The following DMD variants were observed in gnomAD, a reference collection of about 807,000 sequenced individuals.
DMD encodes the protein dystrophin.
DMD carries 63 observed loss-of-function variants against 330.1 expected under a neutral mutation model. That is an observed-to-expected ratio of 0.19 (90% confidence interval 0.16 to 0.24). The LOEUF (loss-of-function observed/expected upper bound fraction) is 0.24. DMD is among the 10% of genes least tolerant of loss of function. The pLI is 1.00. For synonymous variants in DMD, 1,223 were observed against 959.8 expected (o/e 1.27, Z -5.07); for missense variants, 3,344 against 2,684.1 (o/e 1.25, Z -5.43).
At chrX:32,263,251 T>A (rs5972513) in intron 43 of DMD, among the ~76,000 whole-genome samples, 14,677 of 111,659 alleles carry the variant, frequency 0.13, 1,426 homozygotes, top group African/African-American at 0.34. Flanking sequence ...AAATACAGGA[T>A]ACAAGTACTT....
At chrX:32,863,960 T>C (rs1043666845) in intron 2 of DMD, among the ~76,000 whole-genome samples, 1 of 112,082 alleles carries the variant, frequency 8.9e-6, no homozygotes, top group African/African-American at 3.2e-5. Context: ...ACAGAAAAGA[T>C]AAATGTCACA....
At chrX:32,316,813 C>G (rs1019732405) in intron 41 of DMD, among the ~76,000 whole-genome samples, 3 of 110,774 alleles carry the variant, frequency 2.7e-5, no homozygotes, top group Non-Finnish European at 5.7e-5. Context: ...AGTTTGCTAT[C>G]TATTCCTTAA....
chrX:31,430,823 A>C (rs1169257903), intron 60 of DMD, among the ~76,000 whole-genome samples: 1 of 36,978 alleles, frequency 2.7e-5, no homozygotes, highest in African/African-American at 1.3e-4. Flanking sequence ...TTTTTTTTTG[A>C]GAGGGAGTCT....
At chrX:32,389,393 T>C in intron 32 of DMD, 108 bp downstream of exon 32, 1 of 885,420 alleles carries the variant, frequency 1.1e-6, no homozygotes, top group Non-Finnish European at 1.6e-6. Context: ...AATTACATAG[T>C]ATAATTATTA....
At chrX:32,295,099 T>C (rs2097490000) in intron 42 of DMD, among the ~76,000 whole-genome samples, 1 of 111,892 alleles carries the variant, frequency 8.9e-6, no homozygotes, top group Non-Finnish European at 1.9e-5. Context: ...GACATGCCCC[T>C]ATGAATTGAC....
At position 32,348,484 on chromosome X, in the gene DMD, T is replaced by G. The variant is rs748336386; in HGVS notation, c.5370A>C (p.Ile1790=). The G allele has an allele frequency of 5.8e-6, 7 of 1,205,371 alleles. No homozygotes were observed. The Admixed American group carries it at 1.5e-4, about 26-fold the overall frequency. ...LKELEQFNSD[I]QKLLEPLEAE... ...CCTCCAGTGGTTCAAGCAATTTTTG[T>G]ATATCTGAGTTAAACTGCTCCAATT... The change falls in exon 38 of 79, where the codon ATA becomes ATC. Residue 1790 remains isoleucine (I), a synonymous_variant. Coordinates refer to ENST00000357033, the MANE Select transcript of DMD (RefSeq NM_004006.3).
At chrX:32,914,973 A>C (rs899076011) in intron 2 of DMD, among the ~76,000 whole-genome samples, 1 of 111,739 alleles carries the variant, frequency 8.9e-6, no homozygotes, top group Non-Finnish European at 1.9e-5. Context: ...CCAAGGTCAG[A>C]TATCCAGTAA....
At chrX:31,921,213 A>C (rs890375985) in intron 47 of DMD, among the ~76,000 whole-genome samples, 8 of 111,654 alleles carry the variant, frequency 7.2e-5, no homozygotes, top group African/African-American at 2.6e-4. Flanking sequence ...GTTCAGAATT[A>C]AAAGTCCTCT....
intron 50 of DMD, among the ~76,000 whole-genome samples, chrX:31,807,373 A>AT (rs1804789373): frequency 1.8e-5 from 2 of 111,231 alleles, no homozygotes; most frequent in Admixed American, 9.6e-5. Context: ...TACCCTATAG[A>AT]TTTTCCAGAT....
At chrX:32,541,845 TAATTCTGATTCCAA>T (rs1286950382) in intron 17 of DMD, among the ~76,000 whole-genome samples, 1 of 110,941 alleles carries the variant, frequency 9.0e-6, no homozygotes, top group Non-Finnish European at 1.9e-5. Flanking sequence ...CAAACCTCAG[TAATTCTGATTCCAA>T]AAGCAATGAT....
intron 41 of DMD, among the ~76,000 whole-genome samples, chrX:32,336,153 A>G (rs370497682): frequency 3.7e-5 from 4 of 108,659 alleles, no homozygotes; most frequent in Non-Finnish European, 7.6e-5. Context: ...ATAACATGTT[A>G]TCTGTGTGTG....
intron 52 of DMD, among the ~76,000 whole-genome samples, chrX:31,723,352 C>G (rs7065457): frequency 0.13 from 14,683 of 110,181 alleles, 870 homozygotes; most frequent in Admixed American, 0.3. Context: ...AAGCACATTA[C>G]TTTGTCTCCC....
intron 55 of DMD, among the ~76,000 whole-genome samples, chrX:31,615,022 T>C (rs1010836204): frequency 8.9e-6 from 1 of 111,968 alleles, no homozygotes; most frequent in Admixed American, 9.5e-5. Flanking sequence ...TTTGAGAATT[T>C]TCCAGTAGGA....
At chrX:32,883,562 C>T (rs1202360573) in intron 2 of DMD, among the ~76,000 whole-genome samples, 9 of 110,534 alleles carry the variant, frequency 8.1e-5, no homozygotes, top group East Asian at 2.8e-4. Flanking sequence ...CGGTGGCTCA[C>T]GCCTGTAATC....
intron 11 of DMD, among the ~76,000 whole-genome samples, chrX:32,629,641 T>G (rs1332483804): frequency 9.0e-6 from 1 of 111,180 alleles, no homozygotes; most frequent in Non-Finnish European, 1.9e-5. Flanking sequence ...GAAAGTAATT[T>G]TCTCTGGTCA....
chrX:32,238,068 G>C (rs1603628885), intron 43 of DMD, among the ~76,000 whole-genome samples: 2 of 111,765 alleles, frequency 1.8e-5, no homozygotes, highest in South Asian at 7.5e-4. Flanking sequence ...AGGTTTAGGG[G>C]AGTACATAAG....
intron 27 of DMD, among the ~76,000 whole-genome samples, chrX:32,442,218 C>T (rs2098284039): frequency 9.1e-6 from 1 of 110,072 alleles, no homozygotes; most frequent in South Asian, 3.8e-4. Flanking sequence ...TTCTATTCAT[C>T]AAAGGACACC....
intron 55 of DMD, among the ~76,000 whole-genome samples, chrX:31,606,133 G>C (rs2077598389): frequency 9.0e-6 from 1 of 111,190 alleles, no homozygotes; most frequent in Admixed American, 9.6e-5. Context: ...ACTTCGCTGG[G>C]CGCTTCTCCT....
intron 1 of DMD, among the ~76,000 whole-genome samples, chrX:33,097,886 A>G (rs1310637547): frequency 9.0e-6 from 1 of 110,915 alleles, no homozygotes; most frequent in African/African-American, 3.3e-5. Flanking sequence ...AAGTGCTGGG[A>G]TTACAGGTGT....
Sources: allele counts gnomAD v4.1 joint callset (sites outside exome capture counted in the v4.1 genomes callset), GRCh38; gene constraint gnomAD v4.1.1; transcripts MANE v1.5; gene names NCBI Gene and HGNC (gene_info 2026-07-23, HGNC 2026-07-21).